MTUS1: variants seen among roughly 807,000 people sequenced by gnomAD.
MTUS1 encodes the protein microtubule-associated tumor suppressor 1.
MTUS1 carries 109 observed loss-of-function variants against 120.8 expected under a neutral mutation model. The ratio of observed to expected loss-of-function variants is 0.90; its 90% CI spans 0.77 to 1.06. The LOEUF is 1.06. MTUS1 is among the 50% of genes least tolerant of loss of function. The pLI is 0.00. For missense variants in MTUS1, 2,210 were observed against 1,486.3 expected, an observed-to-expected ratio of 1.49 and a Z score of -8.01; for synonymous variants, 737 against 550.5, an observed-to-expected ratio of 1.34 and a Z score of -4.74.
chr8:17,692,624 C>T (rs1363077397), intron 6 of MTUS1, among the ~76,000 whole-genome samples: 3 of 152,162 alleles, frequency 2.0e-5, no homozygotes, highest in Non-Finnish European at 1.5e-5. Flanking sequence ...TAAAACGGTT[C>T]TCTTCACGAA....
At chr8:17,662,815 A>G (rs6996279) in intron 8 of MTUS1, among the ~76,000 whole-genome samples, 91,423 of 150,466 alleles carry the variant, frequency 0.61, 29,130 homozygotes, top group Middle Eastern at 0.81. Context: ...AAAAGAGGAA[A>G]TACAGTTCTC....
At chr8:17,684,613 A>T in intron 6 of MTUS1, 71 bp from the exon 7 acceptor site, 1 of 1,205,814 alleles carries the variant, frequency 8.3e-7, no homozygotes, top group South Asian at 1.2e-5. Context: ...ACAAGGATTC[A>T]AAAACAACCA....
intron 12 of MTUS1, among the ~76,000 whole-genome samples, chr8:17,650,169 TTATC>T (rs1484312238): frequency 6.6e-5 from 10 of 152,204 alleles, no homozygotes; most frequent in Admixed American, 6.5e-4. Flanking sequence ...TTTCACTTAT[TTATC>T]AGTAACTTAA....
intron 1 of MTUS1, among the ~76,000 whole-genome samples, chr8:17,791,500 T>C (rs1221562178): frequency 1.3e-5 from 2 of 152,248 alleles, no homozygotes; most frequent in South Asian, 4.1e-4. Flanking sequence ...ATGACTCAAT[T>C]GTCTTTCGAA....
chr8:17,756,590 G>T (rs977666246), intron 1 of MTUS1, among the ~76,000 whole-genome samples: 1 of 151,646 alleles, frequency 6.6e-6, no homozygotes, highest in African/African-American at 2.4e-5. Flanking sequence ...TACCCTGTTG[G>T]AAGTCCCTTG....
chr8:17,743,499 CA>C, intron 3 of MTUS1, 104 bp downstream of exon 3: 8 of 1,110,118 alleles, frequency 7.2e-6, no homozygotes, highest in Non-Finnish European at 9.0e-6. Context: ...TGCTGATCCA[CA>C]AAAGGCTAAC....
intron 6 of MTUS1, among the ~76,000 whole-genome samples, chr8:17,709,653 T>C (rs572073253): frequency 6.6e-6 from 1 of 152,054 alleles, no homozygotes; most frequent in Non-Finnish European, 1.5e-5. Flanking sequence ...TCAGTGCATA[T>C]AAAACTTATA....
At chr8:17,715,643 T>A in intron 5 of MTUS1, 124 bp downstream of exon 5, 1 of 1,035,478 alleles carries the variant, frequency 9.7e-7, no homozygotes, top group Non-Finnish European at 1.4e-6. Flanking sequence ...TATATCTCCT[T>A]TCTCAACATA....
intron 5 of MTUS1, among the ~76,000 whole-genome samples, chr8:17,714,893 G>GTTT (rs1822014790): frequency 2.0e-5 from 2 of 98,322 alleles, no homozygotes; most frequent in African/African-American, 4.1e-5. Flanking sequence ...CACAAATAAT[G>GTTT]CTTTTTTTTT....
Position 17,646,108 on chromosome 8 carries a change from C to G in MTUS1, c.3631G>C (p.Glu1211Gln). 4 of 1,612,904 alleles carry G rather than the reference C, an allele frequency of 2.5e-6. No individual in the cohort carries two copies. The highest frequency in any genetic ancestry group is 1.1e-5 in the South Asian group (1 of 90,914). ...ACTTTCGACTCCTTCTCCAGCGACT[C>G]TTGCAGAACAGCCTGCTCCGTGGAA... Reference protein sequence around the residue: ...QLSTEQAVLQESLEKESKVNK... With the variant: ...QLSTEQAVLQQSLEKESKVNK... Residue 1211 changes from glutamate (E) to glutamine (Q), a missense_variant, in exon 15 of 15, where the codon GAG (glutamate) becomes CAG (glutamine). By Grantham distance (29) the Glu-to-Gln change is conservative (BLOSUM62 2). Transcript: ENST00000693296.
chr8:17,787,364 C>T (rs1404592493), intron 1 of MTUS1, among the ~76,000 whole-genome samples: 2 of 152,212 alleles, frequency 1.3e-5, no homozygotes, highest in Non-Finnish European at 2.9e-5. Flanking sequence ...CTCTGAGATG[C>T]TAAACCTGAT....
chr8:17,724,886 A>G (rs907997363), intron 3 of MTUS1, among the ~76,000 whole-genome samples: 2 of 152,126 alleles, frequency 1.3e-5, no homozygotes, highest in African/African-American at 2.4e-5. Flanking sequence ...CTAGGTTTTC[A>G]TCTTAGACCG....
At chr8:17,800,742 G>A (rs2052619761) in intron 1 of MTUS1, 1 of 152,262 alleles carries the variant, frequency 6.6e-6, no homozygotes, top group Non-Finnish European at 1.5e-5. Context: ...CTGAGAAGGG[G>A]CCCTGCGAGA....
intron 7 of MTUS1, chr8:17,676,477 C>T (rs1813145191): frequency 1.6e-6 from 1 of 621,296 alleles, no homozygotes; most frequent in Admixed American, 2.6e-5. Context: ...ACTTCATGTC[C>T]TGCAGGTTAC....
intron 3 of MTUS1, among the ~76,000 whole-genome samples, chr8:17,726,347 C>A (rs2046230237): frequency 6.6e-6 from 1 of 152,166 alleles, no homozygotes; most frequent in South Asian, 2.1e-4. Flanking sequence ...CTTGCTTTCT[C>A]CTCACACCAT....
chr8:17,681,648 A>T (rs1287654008), intron 7 of MTUS1: 1 of 154,800 alleles, frequency 6.5e-6, no homozygotes, highest in Non-Finnish European at 1.5e-5. Flanking sequence ...TTTTGCTCAA[A>T]CCTAGTATTC....
chr8:17,753,195 AATC>A (rs886572810), intron 2 of MTUS1, among the ~76,000 whole-genome samples: 7 of 152,296 alleles, frequency 4.6e-5, no homozygotes, highest in Non-Finnish European at 7.4e-5. Flanking sequence ...ACTTGCCAAA[AATC>A]ATTATTGGCC....
intron 1 of MTUS1, among the ~76,000 whole-genome samples, chr8:17,796,448 T>G (rs1365735005): frequency 7.3e-6 from 1 of 137,652 alleles, no homozygotes; most frequent in Admixed American, 7.4e-5. Context: ...GTGAAGCACT[T>G]CCAAGTTCGA....
chr8:17,672,584 C>T (rs73668812), intron 8 of MTUS1, among the ~76,000 whole-genome samples: 6,248 of 152,258 alleles, frequency 0.041, 430 homozygotes, highest in African/African-American at 0.14. Context: ...TCCTGGACCG[C>T]TTCATCACAA....
Sources: gnomAD v4.1 joint callset for allele counts (sites outside exome capture counted in the v4.1 genomes callset) on GRCh38, gnomAD v4.1.1 for gene constraint, MANE v1.5 for transcripts, NCBI Gene and HGNC (gene_info 2026-07-23, HGNC 2026-07-21) for gene names.